SULT1E1: variants seen among roughly 807,000 people sequenced by gnomAD.
The protein encoded by SULT1E1 is sulfotransferase family 1E member 1, also known as sulfotransferase 1E1.
SULT1E1 carries 36 observed loss-of-function variants against 33.6 expected under a neutral mutation model. The observed-to-expected ratio is 1.07, with a 90% CI of 0.82 to 1.41. The LOEUF is 1.41. Among genes scored for constraint, SULT1E1 ranks in the 40% most tolerant of loss-of-function variants. SULT1E1 has a pLI of 0.00. For synonymous variants in SULT1E1, 121 were observed against 111.7 expected, an observed-to-expected ratio of 1.08 and a Z score of -0.53; for missense variants, 371 against 345.7, an observed-to-expected ratio of 1.07 and a Z score of -0.58.
downstream of SULT1E1, among the ~76,000 whole-genome samples, chr4:69,840,635 G>A (rs1720862944): frequency 6.6e-6 from 1 of 152,120 alleles, no homozygotes; most frequent in Non-Finnish European, 1.5e-5. Flanking sequence ...TTTCAAACTA[G>A]CTGAAGATAA....
the SULT1E1 span, among the ~76,000 whole-genome samples, chr4:69,834,939 TG>T: frequency 7.2e-5 from 11 of 152,160 alleles, no homozygotes; most frequent in Admixed American, 3.9e-4. Context: ...CCACTGAATC[TG>T]CTGGTTACAA....
intron 6 of SULT1E1, among the ~76,000 whole-genome samples, chr4:69,844,828 C>G (rs938711353): frequency 1.3e-5 from 2 of 152,132 alleles, no homozygotes; most frequent in Admixed American, 6.5e-5. Flanking sequence ...TACACCATAG[C>G]TACAAACATC....
chr4:69,840,361 C>T (rs1720860046), downstream of SULT1E1, among the ~76,000 whole-genome samples: 1 of 152,092 alleles, frequency 6.6e-6, no homozygotes, highest in South Asian at 2.1e-4. Flanking sequence ...AAGCATTCTA[C>T]TGAAGACCCT....
chr4:69,857,235 C>T (rs550000565), intron 2 of SULT1E1, among the ~76,000 whole-genome samples: 1 of 152,178 alleles, frequency 6.6e-6, no homozygotes, highest in East Asian at 1.9e-4. Context: ...TTTAAATTTT[C>T]ATTATGGGAT....
At chr4:69,845,028 A>G (rs1229016317) in intron 6 of SULT1E1, among the ~76,000 whole-genome samples, 1 of 152,044 alleles carries the variant, frequency 6.6e-6, no homozygotes, top group Non-Finnish European at 1.5e-5. Flanking sequence ...TTATCAACTT[A>G]TTTAGGATAA....
At chr4:69,845,768 T>C (rs1326949346) in intron 6 of SULT1E1, among the ~76,000 whole-genome samples, 2 of 151,286 alleles carry the variant, frequency 1.3e-5, no homozygotes, top group East Asian at 1.9e-4. Flanking sequence ...GGAAGAGAGT[T>C]GGAGTAACTA....
At position 69,847,789 on chromosome 4, in the gene SULT1E1, G is replaced by A. The variant is rs766053586; in HGVS notation, c.500C>T (p.Pro167Leu). The change falls in exon 6 of 8, where the codon CCT becomes CTT. Residue 167 changes from proline to leucine, a missense_variant. Physicochemically the swap from Pro to Leu is moderately conservative, Grantham distance 98. Coordinates refer to ENST00000226444, the MANE Select transcript of SULT1E1 (RefSeq NM_005420.3). ...FVEKFMQGQVPYGSWYKHVKS... is the reference protein window; with the variant it reads ...FVEKFMQGQVLYGSWYKHVKS... Reference sequence around the variant, plus strand: ...TACATGTTTATACCAGGAACCATAAGGAACTAAAATTAGAGAGAAAAACAG... The same window carrying A: ...TACATGTTTATACCAGGAACCATAAAGAACTAAAATTAGAGAGAAAAACAG... 1 of 1,603,522 alleles carries A rather than the reference G, an allele frequency of 6.2e-7. No individual in the cohort carries two copies. The highest frequency in any genetic ancestry group is 8.5e-7 in the Non-Finnish European group (1 of 1,172,652).
intron 5 of SULT1E1, among the ~76,000 whole-genome samples, chr4:69,848,087 G>GGT (rs3077575): frequency 0.02 from 3,016 of 148,360 alleles, 65 homozygotes; most frequent in African/African-American, 0.057. Context: ...TGTTGAAACT[G>GGT]GTGTGTGTGT....
chr4:69,855,536 A>G lies in SULT1E1; in HGVS notation c.146-110T>C. 3.7e-6 allele frequency: 4 copies of G among 1,084,340 alleles called. No homozygotes were observed. The South Asian group carries it at 6.9e-5, about 19-fold the overall frequency. 67.2% of individuals were successfully genotyped at this position (1,084,340 alleles called of 1,614,324 possible). On this transcript the variant is annotated intron_variant, in intron 2 of 7. Coordinates refer to ENST00000226444, the MANE Select transcript of SULT1E1 (RefSeq NM_005420.3). ...GGAAGGTACCAATGCAATACTATTTAAAGGGTGTCTGAATAGCCACAGACT... is the reference window on the plus strand; with the variant it reads ...GGAAGGTACCAATGCAATACTATTTGAAGGGTGTCTGAATAGCCACAGACT...
chr4:69,836,953 T>C (rs922559404), downstream of SULT1E1, among the ~76,000 whole-genome samples: 1 of 152,176 alleles, frequency 6.6e-6, no homozygotes, highest in East Asian at 1.9e-4. Flanking sequence ...CATGGTAGCA[T>C]GTGCCTATAG....
At chr4:69,843,099 G>C in intron 7 of SULT1E1, among the ~76,000 whole-genome samples, 1 of 152,102 alleles carries the variant, frequency 6.6e-6, no homozygotes, top group Non-Finnish European at 1.5e-5. Context: ...GCCTCCCAAA[G>C]TGCTGGGATT....
the SULT1E1 span, among the ~76,000 whole-genome samples, chr4:69,823,715 T>C: frequency 1.3e-5 from 2 of 152,174 alleles, no homozygotes; most frequent in African/African-American, 4.8e-5. Context: ...ATTTAGAGTC[T>C]GTGTAAATAT....
chr4:69,844,343 T>C lies in SULT1E1; in HGVS notation c.592-2A>G. 1 of 1,594,172 alleles carries C rather than the reference T, an allele frequency of 6.3e-7. No individual in the cohort carries two copies. The highest frequency in any genetic ancestry group is 8.6e-7 in the Non-Finnish European group (1 of 1,168,864). Reference sequence around the variant, plus strand: ...TTTTATCACCTCTTTTCTGATATCCTAGGGAGAGAAAATGTTTTGAGAACT... The same window carrying C: ...TTTTATCACCTCTTTTCTGATATCCCAGGGAGAGAAAATGTTTTGAGAACT... On this transcript the variant is annotated splice_acceptor_variant, in intron 6 of 7. Coordinates refer to ENST00000226444, the MANE Select transcript of SULT1E1 (RefSeq NM_005420.3). LOFTEE classifies it high-confidence loss of function.
rs1184690037 is a variant in SULT1E1 at position 69,855,290 on chromosome 4, T to C, written c.271+11A>G. On this transcript the variant is annotated intron_variant, in intron 3 of 7. Coordinates refer to ENST00000226444, the MANE Select transcript of SULT1E1 (RefSeq NM_005420.3). ...TATGCAAATAGTTTTTAAAATCAACTTGAACGTTACCATTCATGAGGTTTT... is the reference window on the plus strand; with the variant it reads ...TATGCAAATAGTTTTTAAAATCAACCTGAACGTTACCATTCATGAGGTTTT... 2 of 1,609,710 alleles carry C rather than the reference T, an allele frequency of 1.2e-6. No individual in the cohort carries two copies. The highest frequency in any genetic ancestry group is 3.4e-5 in the Admixed American group (2 of 59,612).
rs577390272 is a variant in SULT1E1, at chr4:69,849,693, A to T, written c.370-130T>A. 1.0e-5 allele frequency: 8 copies of T among 780,900 alleles called. No individual in the cohort carries two copies. The East Asian group carries it at 2.4e-4, about 24-fold the overall frequency. The allele number at this position is 780,900 out of a possible 1,614,324, so 48.4% of individuals were successfully genotyped here. On this transcript the variant is annotated intron_variant, in intron 4 of 7. Transcript: ENST00000226444. ...ACATTAATTTTACAAAATGCATAAG[A>T]CATGTACAATTATTTATAAAGACAT...
intron 1 of SULT1E1, 118 bp from the exon 2 acceptor site, chr4:69,857,771 G>T: frequency 1.2e-6 from 1 of 860,866 alleles, no homozygotes; most frequent in Non-Finnish European, 1.7e-6. Context: ...TTGCACATAT[G>T]GGGCAAAAAC....
At chr4:69,845,724 C>A (rs1720963824) in intron 6 of SULT1E1, among the ~76,000 whole-genome samples, 1 of 151,200 alleles carries the variant, frequency 6.6e-6, no homozygotes, top group African/African-American at 2.4e-5. Context: ...TGACCAAAAT[C>A]GGGAGTAAGT....
the SULT1E1 span, among the ~76,000 whole-genome samples, chr4:69,831,747 G>A: frequency 2.0e-5 from 3 of 152,236 alleles, no homozygotes; most frequent in Admixed American, 2.0e-4. Flanking sequence ...GCTTAGCTAG[G>A]AGAGTTCCTT....
Position 69,844,355 on chromosome 4 carries a change from A to C in SULT1E1, c.592-14T>G. On this transcript the variant is annotated splice_polypyrimidine_tract_variant and intron_variant, in intron 6 of 7. Transcript: ENST00000226444. ...TTTTCTGATATCCTAGGGAGAGAAAATGTTTTGAGAACTAAATTGCTAAAA... is the reference window on the plus strand; with the variant it reads ...TTTTCTGATATCCTAGGGAGAGAAACTGTTTTGAGAACTAAATTGCTAAAA... 3.2e-6 allele frequency: 5 copies of C among 1,581,514 alleles called. No individual in the cohort carries two copies. Among genetic ancestry groups the C allele is most frequent in the Non-Finnish European group, 4.3e-6 (5 of 1,161,854 alleles).
Sources: allele counts gnomAD v4.1 joint callset (sites outside exome capture counted in the v4.1 genomes callset), GRCh38; gene constraint gnomAD v4.1.1; transcripts MANE v1.5; gene names NCBI Gene and HGNC (gene_info 2026-07-23, HGNC 2026-07-21).